Variants in INPP5D observed in about 807,000 individuals in gnomAD.
The protein encoded by INPP5D is inositol polyphosphate-5-phosphatase D, also known as phosphatidylinositol 3,4,5-trisphosphate 5-phosphatase 1.
In INPP5D, 33 loss-of-function variants were observed where a neutral mutation model predicts 122.9. The observed-to-expected ratio is 0.27, with a 90% CI of 0.20 to 0.36. INPP5D has a LOEUF of 0.36. Among genes scored for constraint, INPP5D ranks in the 10% least tolerant of loss-of-function variants. The probability of loss-of-function intolerance (pLI) is 1.00; values close to 1 mark genes in which losing one functional copy is unlikely to be tolerated. For missense variants in INPP5D, 1,053 were observed against 1,412.7 expected, an observed-to-expected ratio of 0.75 and a Z score of 4.08; for synonymous variants, 584 against 576.2, an observed-to-expected ratio of 1.01 and a Z score of -0.19.
At chr2:233,060,653 G>C (rs757912517) in intron 1 of INPP5D, 41 bp downstream of exon 1, 6 of 1,605,256 alleles carry the variant, frequency 3.7e-6, no homozygotes, top group Non-Finnish European at 5.1e-6. Context: ...AGATATGACA[G>C]AGGGGCTTAG....
Position 233,130,903 on chromosome 2 carries a change from G to A in INPP5D, c.665+255G>A, listed in dbSNP as rs536595016. On this transcript the variant is annotated intron_variant, in intron 5 of 26. Transcript: ENST00000445964. ...TTGGAGGCCAGTTGCTCTGGGAAGC[G>A]GATGGGGTGGGAGGACATGGCCAGC... The A allele has an allele frequency of 8.0e-5, 50 of 628,866 alleles. 1 individual carries two copies. Among genetic ancestry groups the A allele is most frequent in the South Asian group, 5.7e-4 (38 of 66,176 alleles). 39.0% of individuals were successfully genotyped at this position (628,866 alleles called of 1,614,324 possible).
chr2:233,175,217 C>CAAAAAAAA (rs1220185296), intron 17 of INPP5D, among the ~76,000 whole-genome samples: 4 of 68,574 alleles, frequency 5.8e-5, no homozygotes, highest in South Asian at 1.4e-3. Context: ...GACTCCATCT[C>CAAAAAAAA]AAAAAAAAAA....
chr2:233,154,846 C>T (rs563849414), intron 9 of INPP5D, among the ~76,000 whole-genome samples: 2 of 152,312 alleles, frequency 1.3e-5, no homozygotes, highest in South Asian at 2.1e-4. Context: ...AGAATTCCTT[C>T]GCCTAGGCAA....
In INPP5D at chr2:233,169,421, C is replaced by A. The variant is rs149304203; in HGVS notation, c.1652+20C>A. 11,149 of 1,571,680 alleles carry A rather than the reference C, an allele frequency of 7.1e-3. 64 individuals carry two copies. The highest frequency in any genetic ancestry group is 8.0e-3 in the Non-Finnish European group (9,214 of 1,157,602). On this transcript the variant is annotated intron_variant, in intron 14 of 26. Coordinates refer to ENST00000445964, the MANE Select transcript of INPP5D (RefSeq NM_001017915.3). Reference sequence around the variant, plus strand: ...ACTCAGGTAATGGAACTCCTTCCCCCCAAGAGTGTGCATTTGGGCTGTCTG... The same window carrying A: ...ACTCAGGTAATGGAACTCCTTCCCCACAAGAGTGTGCATTTGGGCTGTCTG...
At chr2:233,185,758 G>C (rs971098434) in intron 20 of INPP5D, 85 bp from the exon 21 acceptor site, 1 of 1,301,124 alleles carries the variant, frequency 7.7e-7, no homozygotes, top group African/African-American at 1.5e-5. Flanking sequence ...CATCTTCCTA[G>C]GTCTGGGTGG....
intron 22 of INPP5D, among the ~76,000 whole-genome samples, chr2:233,191,249 C>T (rs1489595275): frequency 6.6e-6 from 1 of 152,132 alleles, no homozygotes; most frequent in African/African-American, 2.4e-5. Flanking sequence ...GGGGAAGCTC[C>T]TTATAAAACC....
At chr2:233,064,862 G>A (rs796584529) in intron 1 of INPP5D, among the ~76,000 whole-genome samples, 13 of 152,246 alleles carry the variant, frequency 8.5e-5, no homozygotes, top group African/African-American at 2.6e-4. Flanking sequence ...TCTCCCTTTC[G>A]AAGCTTCAGT....
At position 233,146,226 on chromosome 2, in the gene INPP5D, C is replaced by T. The variant is rs1490933396; in HGVS notation, c.818C>T (p.Ser273Leu). Residue 273 changes from serine (S) to leucine (L), a missense_variant, in exon 7 of 27, where the codon TCG becomes TTG. Transcript: ENST00000445964. ...SKLSQLTSLL[S>L]SIEDKVKALL... ...CTCAGCCAACTGACAAGCCTGTTGTCGTCCATTGAAGACAAGGTACGTGTG... is the reference window on the plus strand; with the variant it reads ...CTCAGCCAACTGACAAGCCTGTTGTTGTCCATTGAAGACAAGGTACGTGTG... 1.4e-6 allele frequency: 1 copy of T among 704,266 alleles called. No individual in the cohort carries two copies. Among genetic ancestry groups the T allele is most frequent in the Non-Finnish European group, 2.6e-6 (1 of 385,012 alleles). 43.6% of individuals were successfully genotyped at this position (704,266 alleles called of 1,614,324 possible).
At position 233,078,677 on chromosome 2, in the gene INPP5D, TTTTTG is replaced by T. The variant is rs376630143; in HGVS notation, c.135-637_135-633del. ...CAAACACCCCCTCTTTTTTGTTGTT[TTTTTG>T]TTTTGTTTTGTTTTGTTTTGAGACG... On this transcript the variant is annotated intron_variant, in intron 1 of 26. Coordinates refer to ENST00000445964, the MANE Select transcript of INPP5D (RefSeq NM_001017915.3). This position sits in a 1 kb window ranked among gnomAD's most constrained non-coding sequence, Gnocchi z 4.6. Among the ~76,000 whole-genome samples, 283 of 151,618 alleles carry T rather than the reference TTTTTG, an allele frequency of 1.9e-3. 1 individual carries two copies. Among genetic ancestry groups the T allele is most frequent in the Non-Finnish European group, 2.2e-3 (150 of 67,916 alleles).
chr2:233,158,854 C>T (rs972247435), intron 10 of INPP5D, among the ~76,000 whole-genome samples: 9 of 152,162 alleles, frequency 5.9e-5, no homozygotes, highest in Admixed American at 2.0e-4. Context: ...TCACAGCTCA[C>T]GGCAGCCTCC....
chr2:233,067,202 A>G (rs567721723), intron 1 of INPP5D, among the ~76,000 whole-genome samples: 1 of 152,202 alleles, frequency 6.6e-6, no homozygotes, highest in African/African-American at 2.4e-5. Context: ...CACAGCAGTC[A>G]CTCCCTATTC....
At chr2:233,090,641 C>T (rs7570845) in intron 2 of INPP5D, among the ~76,000 whole-genome samples, 11 of 152,104 alleles carry the variant, frequency 7.2e-5, no homozygotes, top group African/African-American at 1.7e-4. Flanking sequence ...AGAGAGAAAA[C>T]GGACATTCCA....
chr2:233,085,274 T>C (rs1451969225), intron 2 of INPP5D, among the ~76,000 whole-genome samples: 1 of 151,754 alleles, frequency 6.6e-6, no homozygotes, highest in Non-Finnish European at 1.5e-5. Context: ...TAGTCACAGC[T>C]ACTCCGGAGG....
intron 17 of INPP5D, among the ~76,000 whole-genome samples, chr2:233,173,508 T>G (rs184151505): frequency 6.6e-6 from 1 of 152,220 alleles, no homozygotes; most frequent in Non-Finnish European, 1.5e-5. Flanking sequence ...TGTAATAAAA[T>G]GTAGCTTAAA....
intron 5 of INPP5D, among the ~76,000 whole-genome samples, chr2:233,136,522 A>G (rs1433246652): frequency 6.6e-6 from 1 of 152,146 alleles, no homozygotes; most frequent in Non-Finnish European, 1.5e-5. Flanking sequence ...GTACAAACTG[A>G]GTCCAGATTG....
At chr2:233,130,171 A>C (rs774675132) in intron 4 of INPP5D, among the ~76,000 whole-genome samples, 4 of 152,194 alleles carry the variant, frequency 2.6e-5, no homozygotes, top group Non-Finnish European at 4.4e-5. Flanking sequence ...CTGGGATTAC[A>C]GTTGTGAGCC....
chr2:233,180,632 C>G (rs959370951), intron 18 of INPP5D, among the ~76,000 whole-genome samples: 1 of 152,222 alleles, frequency 6.6e-6, no homozygotes, highest in Non-Finnish European at 1.5e-5. Flanking sequence ...GTCAGCCTCC[C>G]AGGTTCAAGT....
chr2:233,114,468 A>G (rs112715011), intron 2 of INPP5D, among the ~76,000 whole-genome samples: 6,203 of 152,296 alleles, frequency 0.041, 172 homozygotes, highest in African/African-American at 0.075. Flanking sequence ...TAAGAGCTGG[A>G]CAGGAGGCTG....
intron 2 of INPP5D, chr2:233,120,486 A>T (rs1692937776): frequency 6.6e-6 from 1 of 151,166 alleles, no homozygotes; most frequent in Non-Finnish European, 1.5e-5. Flanking sequence ...TCCATCTCAA[A>T]TAAAATAAAA....
Sources: gnomAD v4.1 joint callset for allele counts (sites outside exome capture counted in the v4.1 genomes callset) on GRCh38, gnomAD v4.1.1 for gene constraint, Gnocchi (gnomAD v3.1) non-coding constraint, MANE v1.5 for transcripts, NCBI Gene and HGNC (gene_info 2026-07-23, HGNC 2026-07-21) for gene names.